KRT12: variants seen among roughly 807,000 people sequenced by gnomAD.
The protein encoded by KRT12 is keratin 12.
KRT12 carries 43 observed loss-of-function variants against 50.2 expected under a neutral mutation model. The observed-to-expected ratio is 0.86, with a 90% confidence interval of 0.67 to 1.11. The LOEUF (loss-of-function observed/expected upper bound fraction) is 1.11, where lower values mean the gene tolerates loss of function less well. KRT12 is among the 50% of genes least tolerant of loss of function. KRT12 has a pLI of 0.00. For synonymous variants in KRT12, 257 were observed against 253.6 expected (o/e 1.01, Z -0.13); for missense variants, 588 against 625.6 (o/e 0.94, Z 0.64).
At position 40,861,506 on chromosome 17, in the gene KRT12, C is replaced by A; in HGVS notation, c.*155G>T. 1.5e-6 allele frequency: 1 copy of A among 651,826 alleles called. No homozygotes were observed. Among genetic ancestry groups the A allele is most frequent in the South Asian group, 1.8e-5 (1 of 55,728 alleles). 40.4% of individuals were successfully genotyped at this position (651,826 alleles called of 1,614,324 possible). A position where few individuals can be genotyped will look rare whatever the true frequency, so the allele number is the denominator to read the frequency against. On this transcript the variant is annotated 3_prime_UTR_variant, in exon 8 of 8. Transcript: ENST00000251643. ...GTGACTGAATATTGTTTCAGAAGGG[C>A]AAAAAGGATTCAATGTGAATAGGGA...
chr17:40,861,383 G>T lies in KRT12; in HGVS notation c.*278C>A, dbSNP rs1906796813. The T allele has an allele frequency of 6.5e-6, 3 of 464,432 alleles. No homozygotes were observed. Among genetic ancestry groups the T allele is most frequent in the Non-Finnish European group, 1.2e-5 (3 of 258,470 alleles). The allele number at this position is 464,432 out of a possible 1,614,324, so 28.8% of individuals were successfully genotyped here. ...AGCTCTATGATTAAAAAATATTCCGGGTTACCAGAAGAAAGTTCGTTAAAA... is the reference window on the plus strand; with the variant it reads ...AGCTCTATGATTAAAAAATATTCCGTGTTACCAGAAGAAAGTTCGTTAAAA... On this transcript the variant is annotated 3_prime_UTR_variant, in exon 8 of 8. Coordinates refer to ENST00000251643, the MANE Select transcript of KRT12 (RefSeq NM_000223.4).
At chr17:40,866,300 A>C (rs1459958469) in intron 1 of KRT12, 63 bp from the exon 2 acceptor site, 1 of 1,300,962 alleles carries the variant, frequency 7.7e-7, no homozygotes, top group Non-Finnish European at 1.1e-6. Flanking sequence ...ATACAAATAT[A>C]TTTTTGACAC....
Position 40,862,572 on chromosome 17 carries a change from G to A in KRT12, c.1380C>T (p.Ser460=). Residue 460 remains serine (S), a synonymous_variant, in exon 7 of 8, where the codon TCC becomes TCT. Transcript: ENST00000251643. The part of the protein sequence containing the change: ...DSKSQAQSTD[S]SKDPTKTRKI... ...TCTAGGGTTTCTGCATACCTTTAGA[G>A]GAATCAGTTGACTGTGCTTGTGATT... is the stretch of plus-strand genomic sequence containing the variant. The A allele has an allele frequency of 1.2e-6, 2 of 1,610,416 alleles. No homozygotes were observed. Among genetic ancestry groups the A allele is most frequent in the Non-Finnish European group, 1.7e-6 (2 of 1,176,748 alleles).
rs753855825 is a variant in KRT12, at chr17:40,866,735, G to C, written c.452C>G (p.Thr151Ser). The change falls in exon 1 of 8, where the codon ACT becomes AGT. Residue 151 changes from threonine (T) to serine (S), a missense_variant. Transcript: ENST00000251643. ...TTCTCGAATTTTATTTTCTAGCTCA[G>C]TATTAGCCTCTTCTAGAGCTCGCAC... ...DKVRALEEANTELENKIREWY... is the reference protein window; with the variant it reads ...DKVRALEEANSELENKIREWY... 1 of 1,614,120 alleles carries C rather than the reference G, an allele frequency of 6.2e-7. No homozygotes were observed. Among genetic ancestry groups the C allele is most frequent in the Non-Finnish European group, 8.5e-7 (1 of 1,179,996 alleles).
chr17:40,863,331 C>T lies in KRT12; in HGVS notation c.1108G>A (p.Glu370Lys). ...CCCTCGGCTTCGGCCAAGGAGTCCT[C>T]CAGGGATTTCTTCTGCACGTGGGAG... ...QSQLAMKKSL[E>K]DSLAEAEGDY... Residue 370 changes from glutamate (E) to lysine (K), a missense_variant, in exon 6 of 8, where the codon GAG becomes AAG. Transcript: ENST00000251643. The surrounding 1 kb of genome is among the most constrained non-coding windows in gnomAD (Gnocchi z 4.2). The T allele has an allele frequency of 6.2e-7, 1 of 1,613,862 alleles. No homozygotes were observed. The highest frequency in any genetic ancestry group is 8.5e-7 in the Non-Finnish European group (1 of 1,179,932).
At chr17:40,865,058 C>T in intron 2 of KRT12, 96 bp from the exon 3 acceptor site, 1 of 1,315,820 alleles carries the variant, frequency 7.6e-7, no homozygotes, top group Non-Finnish European at 1.1e-6. Flanking sequence ...ATCTGTGCAC[C>T]TACTTAATAA....
At position 40,863,624 on chromosome 17, in the gene KRT12, G is replaced by A; in HGVS notation, c.970-14C>T. ...GAGCTCCCCGCTCTGCAACAGCAAA[G>A]ACAGCCAGGGGGCTCGAGCGCTGAG... On this transcript the variant is annotated splice_polypyrimidine_tract_variant and intron_variant, in intron 4 of 7. Coordinates refer to ENST00000251643, the MANE Select transcript of KRT12 (RefSeq NM_000223.4). The surrounding 1 kb of genome is among the most constrained non-coding windows in gnomAD (Gnocchi z 4.2). The A allele has an allele frequency of 6.2e-7, 1 of 1,614,248 alleles. No homozygotes were observed. The highest frequency in any genetic ancestry group is 8.5e-7 in the Non-Finnish European group (1 of 1,180,044).
At position 40,866,147 on chromosome 17, in the gene KRT12, C is replaced by T. The variant is rs139161811; in HGVS notation, c.650+8G>A. ...ACACGCCCATGATCTTCAGTTTATT[C>T]GACTCACTTCATCCTGAAGTCCTCA... On this transcript the variant is annotated splice_region_variant and intron_variant, in intron 2 of 7. Transcript: ENST00000251643. The T allele has an allele frequency of 1.4e-5, 22 of 1,608,922 alleles. No individual in the cohort carries two copies. Among genetic ancestry groups the T allele is most frequent in the Non-Finnish European group, 1.8e-5 (21 of 1,175,352 alleles).
In KRT12 at chr17:40,866,696, C is replaced by T. The variant is rs775307796; in HGVS notation, c.491G>A (p.Arg164Gln). Residue 164 changes from arginine (R) to glutamine (Q), a missense_variant, in exon 1 of 8, where the codon CGA (arginine) becomes CAA (glutamine). By Grantham distance (43) the Arg-to-Gln change is conservative. Transcript: ENST00000251643. ...ENKIREWYETRGTGTADASQS... is the reference protein window; with the variant it reads ...ENKIREWYETQGTGTADASQS... ...TGAAGCATCTGCAGTCCCAGTTCCT[C>T]GTGTTTCATACCATTCTCGAATTTT... The T allele has an allele frequency of 6.2e-6, 10 of 1,614,028 alleles. No homozygotes were observed. The African/African-American group carries it at 8.0e-5, about 13-fold the overall frequency.
chr17:40,866,162 TG>T lies in KRT12; in HGVS notation c.642del (p.Phe214LeufsTer3), dbSNP rs759551488. On this transcript the variant is annotated frameshift_variant, in exon 2 of 8. Transcript: ENST00000251643. LOFTEE classifies it high-confidence loss of function. The stretch of plus-strand genomic sequence containing the variant: ...TCAGTTTATTCGACTCACTTCATCC[TG>T]AAGTCCTCAGCAGCTAGTCTCGCAT... ...IDNARLAAEDFRMKYENELAL... is the reference protein window; with the variant it reads ...IDNARLAAEDXRMKYENELAL... 1 of 1,613,658 alleles carries T rather than the reference TG, an allele frequency of 6.2e-7. No homozygotes were observed. Among genetic ancestry groups the T allele is most frequent in the Admixed American group, 1.7e-5 (1 of 60,026 alleles).
chr17:40,863,342 T>G lies in KRT12; in HGVS notation c.1097A>C (p.Lys366Thr). 6.2e-7 allele frequency: 1 copy of G among 1,613,940 alleles called. No individual in the cohort carries two copies. The highest frequency in any genetic ancestry group is 8.5e-7 in the Non-Finnish European group (1 of 1,179,946). ...EIELQSQLAM[K>T]KSLEDSLAEA... The stretch of plus-strand genomic sequence containing the variant: ...GGCCAAGGAGTCCTCCAGGGATTTC[T>G]TCTGCACGTGGGAGGGAAATGGCAT... The change falls in exon 6 of 8, where the codon AAG (lysine) becomes ACG (threonine). Residue 366 changes from lysine to threonine, a missense_variant and splice_region_variant. Coordinates refer to ENST00000251643, the MANE Select transcript of KRT12 (RefSeq NM_000223.4). This position sits in a 1 kb window ranked among gnomAD's most constrained non-coding sequence, Gnocchi z 4.2.
intron 2 of KRT12, 122 bp from the exon 3 acceptor site, chr17:40,865,084 G>T: frequency 9.7e-7 from 1 of 1,028,000 alleles, no homozygotes; most frequent in Non-Finnish European, 1.5e-6. Context: ...GCATTGTAGT[G>T]TATGATGCAG....
At position 40,865,700 on chromosome 17, in the gene KRT12, C is replaced by T. The variant is rs187718166; in HGVS notation, c.650+455G>A. Among the ~76,000 whole-genome samples, 212 of 152,032 alleles carry T rather than the reference C, an allele frequency of 1.4e-3. 1 individual carries two copies. The highest frequency in any genetic ancestry group is 4.8e-3 in the African/African-American group (199 of 41,462). On this transcript the variant is annotated intron_variant, in intron 2 of 7. Coordinates refer to ENST00000251643, the MANE Select transcript of KRT12 (RefSeq NM_000223.4). Reference sequence around the variant, plus strand: ...ATAATTAGCTGGGCACGGTGGCAGCCGCCTGTAATCCCAGCTACTCGGGAG... The same window carrying T: ...ATAATTAGCTGGGCACGGTGGCAGCTGCCTGTAATCCCAGCTACTCGGGAG...
chr17:40,864,722 C>G, intron 3 of KRT12, 84 bp downstream of exon 3: 1 of 1,413,812 alleles, frequency 7.1e-7, no homozygotes, highest in South Asian at 1.2e-5. Flanking sequence ...TGTCCTGACT[C>G]CAGATTTCTA....
Position 40,863,094 on chromosome 17 carries a change from G to T in KRT12, c.1316+29C>A. On this transcript the variant is annotated intron_variant, in intron 6 of 7. Transcript: ENST00000251643. The surrounding 1 kb of genome is among the most constrained non-coding windows in gnomAD (Gnocchi z 4.2). ...TGCCCACTCTTGGTCAGCCCCTGAA[G>T]GTGTTTACAGCCTCCGTTGTCTGCT... 1 of 1,595,288 alleles carries T rather than the reference G, an allele frequency of 6.3e-7. No homozygotes were observed. Among genetic ancestry groups the T allele is most frequent in the South Asian group, 1.1e-5 (1 of 90,710 alleles).
At chr17:40,865,493 C>A (rs1906984237) in intron 2 of KRT12, among the ~76,000 whole-genome samples, 1 of 152,024 alleles carries the variant, frequency 6.6e-6, no homozygotes, top group Admixed American at 6.5e-5. Flanking sequence ...GAGAGTTGAG[C>A]ATGGAAAAGG....
intron 3 of KRT12, among the ~76,000 whole-genome samples, 178 bp from the exon 4 acceptor site, chr17:40,864,042 A>G (rs1219295335): frequency 2.0e-5 from 3 of 152,048 alleles, no homozygotes. Flanking sequence ...ATATTAATGT[A>G]ATACATTAAA....
Position 40,861,737 on chromosome 17 carries a change from A to T in KRT12, c.1409T>A (p.Ile470Asn). The T allele has an allele frequency of 5.6e-6, 9 of 1,613,686 alleles. No individual in the cohort carries two copies. The highest frequency in any genetic ancestry group is 7.6e-6 in the Non-Finnish European group (9 of 1,179,664). ...CACCATCTCCTGCACAACTGTCTTG[A>T]TTTTTCGGGTTTTGGTTGGGTCTAA... ...SSKDPTKTRK[I>N]KTVVQEMVNG... The change falls in exon 8 of 8, where the codon ATC becomes AAC. Residue 470 changes from isoleucine to asparagine, a missense_variant. Ile to Asn is a moderately radical substitution (Grantham distance 149, BLOSUM62 -3). Coordinates refer to ENST00000251643, the MANE Select transcript of KRT12 (RefSeq NM_000223.4).
chr17:40,864,238 G>T (rs1906925029), intron 3 of KRT12, among the ~76,000 whole-genome samples: 1 of 151,972 alleles, frequency 6.6e-6, no homozygotes. Flanking sequence ...CACTCACTGG[G>T]GTTTTCACCT....
Sources: allele counts gnomAD v4.1 joint callset (sites outside exome capture counted in the v4.1 genomes callset), GRCh38; gene constraint gnomAD v4.1.1; non-coding constraint Gnocchi (gnomAD v3.1); transcripts MANE v1.5; gene names NCBI Gene and HGNC (gene_info 2026-07-23, HGNC 2026-07-21).